ZNF280B: variants seen among roughly 807,000 people sequenced by gnomAD.
ZNF280B encodes the protein zinc finger protein 280B.
Under a neutral mutation model 38.0 loss-of-function variants are expected in ZNF280B, and 16 were observed. That is an observed-to-expected ratio of 0.42 (90% confidence interval 0.28 to 0.64). The LOEUF (loss-of-function observed/expected upper bound fraction) is 0.64. ZNF280B is among the 30% of genes least tolerant of loss of function. ZNF280B has a pLI of 0.21. For synonymous variants in ZNF280B, 253 were observed against 230.6 expected (o/e 1.10, Z -0.88); for missense variants, 581 against 639.6 (o/e 0.91, Z 0.99).
intron 2 of ZNF280B, among the ~76,000 whole-genome samples, chr22:22,498,378 T>C (rs2061743368): frequency 6.6e-6 from 1 of 151,972 alleles, no homozygotes; most frequent in Non-Finnish European, 1.5e-5. Flanking sequence ...TGAATTATTT[T>C]TTAAAAATAA....
intron 2 of ZNF280B, among the ~76,000 whole-genome samples, chr22:22,498,265 T>A (rs749903247): frequency 2.0e-5 from 3 of 151,942 alleles, no homozygotes; most frequent in Admixed American, 6.6e-5. Context: ...TGGAAATGTA[T>A]CAGAACTAGA....
intron 2 of ZNF280B, among the ~76,000 whole-genome samples, chr22:22,506,092 G>A (rs2061933251): frequency 6.6e-6 from 1 of 151,872 alleles, no homozygotes; most frequent in Non-Finnish European, 1.5e-5. Context: ...AAGGAGAGGA[G>A]GAGGACACAC....
chr22:22,502,906 G>A (rs1446121425), intron 2 of ZNF280B, among the ~76,000 whole-genome samples: 2 of 151,968 alleles, frequency 1.3e-5, no homozygotes, highest in African/African-American at 4.8e-5. Flanking sequence ...CTATACAGGT[G>A]GGCCCTAAAT....
intron 2 of ZNF280B, among the ~76,000 whole-genome samples, chr22:22,504,086 T>G (rs2061882121): frequency 6.6e-6 from 1 of 152,032 alleles, no homozygotes; most frequent in African/African-American, 2.4e-5. Context: ...GGAATGGACC[T>G]AAACACACTT....
rs753026361 is a variant in ZNF280B, at chr22:22,488,551, A to G, written c.848T>C (p.Val283Ala). The G allele has an allele frequency of 2.5e-6, 4 of 1,613,932 alleles. No individual in the cohort carries two copies. Among genetic ancestry groups the G allele is most frequent in the Admixed American group, 3.3e-5 (2 of 60,000 alleles). The change falls in exon 4 of 4, where the codon GTG (valine) becomes GCG (alanine). Residue 283 changes from valine to alanine, a missense_variant. Physicochemically the swap from Val to Ala is moderately conservative, Grantham distance 64 (BLOSUM62 0). Transcript: ENST00000626650. ...TCCATAGTAAAAGTCACTAAGTAAC[A>G]CAATGGGATTTTCTTTCTTGGGATC... ...TFDPKKENPI[V>A]LLSDFYYGQH...
chr22:22,504,172 G>A (rs552110736), intron 2 of ZNF280B, among the ~76,000 whole-genome samples: 8 of 152,014 alleles, frequency 5.3e-5, no homozygotes, highest in Non-Finnish European at 1.0e-4. Context: ...GGTGGCTCAC[G>A]CCTGTAATCC....
intron 2 of ZNF280B, among the ~76,000 whole-genome samples, chr22:22,500,936 CCT>C (rs2061804322): frequency 6.7e-6 from 1 of 150,368 alleles, no homozygotes; most frequent in South Asian, 2.1e-4. Context: ...AGAAGAATCC[CCT>C]GAATCTGGGA....
At chr22:22,492,710 C>A (rs1819479594) in intron 3 of ZNF280B, among the ~76,000 whole-genome samples, 1 of 151,658 alleles carries the variant, frequency 6.6e-6, no homozygotes, top group South Asian at 2.1e-4. Context: ...CATAGTGAAA[C>A]CCTGTCTCTA....
At chr22:22,498,793 C>CGT (rs1433318386) in intron 2 of ZNF280B, among the ~76,000 whole-genome samples, 1 of 83,632 alleles carries the variant, frequency 1.2e-5, no homozygotes, top group Non-Finnish European at 2.0e-5. Flanking sequence ...GGCCAATATC[C>CGT]TTTTTTTTTT....
intron 3 of ZNF280B, among the ~76,000 whole-genome samples, chr22:22,492,291 C>A (rs1443908307): frequency 6.6e-6 from 1 of 151,876 alleles, no homozygotes; most frequent in Non-Finnish European, 1.5e-5. Flanking sequence ...CAACTTCAAT[C>A]GCCTAACTCC....
chr22:22,504,306 G>A (rs898689626), intron 2 of ZNF280B, among the ~76,000 whole-genome samples: 2 of 151,600 alleles, frequency 1.3e-5, no homozygotes, highest in African/African-American at 2.4e-5. Context: ...GGTGGCACAC[G>A]CCTGTAATCC....
At chr22:22,505,933 G>A (rs1238136357) in intron 2 of ZNF280B, among the ~76,000 whole-genome samples, 2 of 151,916 alleles carry the variant, frequency 1.3e-5, no homozygotes, top group Non-Finnish European at 2.9e-5. Flanking sequence ...AATAGTGGAA[G>A]CAGAAGACAA....
At chr22:22,493,653 GC>G (rs2061640226) in intron 3 of ZNF280B, among the ~76,000 whole-genome samples, 1 of 151,660 alleles carries the variant, frequency 6.6e-6, no homozygotes, top group South Asian at 2.1e-4. Context: ...CCTATTAATG[GC>G]CCCCAGCCCA....
At chr22:22,498,807 T>TTC (rs1456967544) in intron 2 of ZNF280B, among the ~76,000 whole-genome samples, 5 of 141,214 alleles carry the variant, frequency 3.5e-5, no homozygotes, top group African/African-American at 5.3e-5. Context: ...TTTTTTTTTT[T>TTC]TTTTTTTGGA....
intron 3 of ZNF280B, among the ~76,000 whole-genome samples, chr22:22,491,411 C>A (rs1255653075): frequency 1.3e-5 from 2 of 150,098 alleles, no homozygotes; most frequent in Non-Finnish European, 3.0e-5. Context: ...CTTTACTACA[C>A]AGGCTGCATT....
intron 2 of ZNF280B, among the ~76,000 whole-genome samples, chr22:22,494,829 C>G (rs1363473506): frequency 6.6e-6 from 1 of 151,866 alleles, no homozygotes; most frequent in African/African-American, 2.4e-5. Flanking sequence ...CTCTGCCTCC[C>G]GGGTTCAAGC....
At chr22:22,503,129 A>G (rs1388311309) in intron 2 of ZNF280B, among the ~76,000 whole-genome samples, 1 of 151,934 alleles carries the variant, frequency 6.6e-6, no homozygotes, top group East Asian at 2.0e-4. Context: ...GGTCTTGTGA[A>G]ACTTATTTTA....
At chr22:22,505,196 G>C (rs531525095) in intron 2 of ZNF280B, among the ~76,000 whole-genome samples, 6 of 151,912 alleles carry the variant, frequency 3.9e-5, no homozygotes, top group African/African-American at 1.5e-4. Context: ...AATGAAAAGA[G>C]TGACAAGTTA....
At position 22,487,310 on chromosome 22, in the gene ZNF280B, G is replaced by A. The variant is rs1260565472; in HGVS notation, c.*457C>T. On this transcript the variant is annotated 3_prime_UTR_variant, in exon 4 of 4. Coordinates refer to ENST00000626650, the MANE Select transcript of ZNF280B (RefSeq NM_080764.4). ...AAATAAAAAATTAGCTGGGTGTGGT[G>A]GCTGCGCCTGTAGTCCTAGCTACTC... 4 of 151,246 alleles carry A rather than the reference G, an allele frequency of 2.6e-5. No individual in the cohort carries two copies. Among genetic ancestry groups the A allele is most frequent in the Non-Finnish European group, 5.9e-5 (4 of 67,912 alleles). The allele number at this position is 151,246 out of a possible 1,614,324, so 9.4% of individuals were successfully genotyped here. A position where few individuals can be genotyped will look rare whatever the true frequency, so the allele number is the denominator to read the frequency against.
Sources: allele counts gnomAD v4.1 joint callset (sites outside exome capture counted in the v4.1 genomes callset), GRCh38; gene constraint gnomAD v4.1.1; transcripts MANE v1.5; gene names NCBI Gene and HGNC (gene_info 2026-07-23, HGNC 2026-07-21).